Variants in ASB3 observed in about 807,000 individuals in gnomAD.
The protein encoded by ASB3 is ankyrin repeat and SOCS box containing 3.
In ASB3, 41 loss-of-function variants were observed where a neutral mutation model predicts 54.5. The observed-to-expected ratio is 0.75, with a 90% CI of 0.59 to 0.98. The LOEUF (loss-of-function observed/expected upper bound fraction) is 0.98, where lower values mean the gene tolerates loss of function less well. Among genes scored for constraint, ASB3 ranks in the 50% least tolerant of loss-of-function variants. The pLI, the probability that ASB3 is intolerant of heterozygous loss-of-function variation, is 0.00. For missense variants in ASB3, 733 were observed against 620.0 expected (o/e 1.18, Z -1.94); for synonymous variants, 266 against 221.2 (o/e 1.20, Z -1.80).
At chr2:53,767,820 C>T in intron 1 of ASB3, 2 of 1,542,812 alleles carry the variant, frequency 1.3e-6, no homozygotes, top group Non-Finnish European at 1.8e-6. Context: ...TTACCGGAGG[C>T]TTCAGTCCCC....
chr2:53,743,573 AAG>A (rs1453552798), intron 3 of ASB3, among the ~76,000 whole-genome samples: 1 of 152,184 alleles, frequency 6.6e-6, no homozygotes, highest in Non-Finnish European at 1.5e-5. Context: ...CGGGGGGAGA[AAG>A]AGAGTTATGT....
chr2:53,681,736 G>A (rs542151470), intron 9 of ASB3, among the ~76,000 whole-genome samples: 1 of 152,150 alleles, frequency 6.6e-6, no homozygotes, highest in African/African-American at 2.4e-5. Context: ...GTTTATGCCA[G>A]TACCAGGCTG....
In ASB3 at chr2:53,778,926, T is replaced by C. The variant is rs150652256; in HGVS notation, c.-14+7895A>G. On this transcript the variant is annotated intron_variant, in intron 1 of 9. Transcript: ENST00000263634. ...CCAGAAGTTGGATTGCTGGATCATA[T>C]GGTAATTCTATTTTTAGTTTTTTGA... Among the ~76,000 whole-genome samples the C allele has an allele frequency of 3.4e-3, 518 of 152,360 alleles. 5 individuals are homozygous for C. The highest frequency in any genetic ancestry group is 0.012 in the African/African-American group (496 of 41,578).
intron 9 of ASB3, among the ~76,000 whole-genome samples, chr2:53,686,170 A>G (rs371612438): frequency 2.4e-4 from 37 of 152,320 alleles, no homozygotes; most frequent in African/African-American, 8.4e-4. Context: ...CATCTTGAGA[A>G]CCAACAGGAA....
chr2:53,770,272 A>G (rs1000797367), intron 1 of ASB3, among the ~76,000 whole-genome samples: 4 of 152,164 alleles, frequency 2.6e-5, no homozygotes, highest in African/African-American at 9.7e-5. Flanking sequence ...TCATAATCCA[A>G]AATCCCATGT....
At chr2:53,744,833 C>T (rs1045565739) in intron 3 of ASB3, among the ~76,000 whole-genome samples, 15 of 152,210 alleles carry the variant, frequency 9.9e-5, no homozygotes, top group African/African-American at 2.9e-4. Flanking sequence ...AAAGCATATG[C>T]TATGTGAGCT....
At chr2:53,762,133 C>T (rs950951244) in intron 2 of ASB3, among the ~76,000 whole-genome samples, 8 of 151,912 alleles carry the variant, frequency 5.3e-5, no homozygotes, top group East Asian at 1.9e-4. Flanking sequence ...ATTATAGCAA[C>T]GCAGACAAGG....
Position 53,769,103 on chromosome 2 carries a change from G to A in ASB3, c.-13-3518C>T, listed in dbSNP as rs115450313. Reference sequence around the variant, plus strand: ...TGACCTGAAAAGGGGCAATGGCTTAGGATAAATGCACATTTACAGATCAAC... The same window carrying A: ...TGACCTGAAAAGGGGCAATGGCTTAAGATAAATGCACATTTACAGATCAAC... On this transcript the variant is annotated intron_variant, in intron 1 of 9. Coordinates refer to ENST00000263634, the MANE Select transcript of ASB3 (RefSeq NM_016115.5). Among the ~76,000 whole-genome samples, 1,137 of 152,290 alleles carry A rather than the reference G, an allele frequency of 7.5e-3. 17 individuals are homozygous for A. The highest frequency in any genetic ancestry group is 0.026 in the African/African-American group (1,091 of 41,552).
At chr2:53,672,839 G>A (rs1358599593) in intron 9 of ASB3, among the ~76,000 whole-genome samples, 5 of 152,080 alleles carry the variant, frequency 3.3e-5, no homozygotes, top group East Asian at 1.9e-4. Flanking sequence ...TTGTAGCCAC[G>A]TCTAATTCAA....
chr2:53,684,617 C>T (rs1294063926), intron 9 of ASB3, among the ~76,000 whole-genome samples: 1 of 152,204 alleles, frequency 6.6e-6, no homozygotes, highest in Non-Finnish European at 1.5e-5. Context: ...GCCAGTTTAT[C>T]CTCGGTAGTC....
At chr2:53,773,724 T>C (rs1245787862) in intron 1 of ASB3, among the ~76,000 whole-genome samples, 2 of 151,202 alleles carry the variant, frequency 1.3e-5, no homozygotes, top group Non-Finnish European at 2.9e-5. Context: ...CCACCGCTCC[T>C]GGCCCACTTT....
At chr2:53,721,444 G>T (rs373598106) in intron 5 of ASB3, among the ~76,000 whole-genome samples, 1 of 150,630 alleles carries the variant, frequency 6.6e-6, no homozygotes, top group Admixed American at 6.6e-5. Context: ...AGTGGTGTGT[G>T]CCTATAGTCC....
chr2:53,700,198 T>C (rs1162591602), intron 8 of ASB3, 73 bp downstream of exon 8: 2 of 1,541,232 alleles, frequency 1.3e-6, no homozygotes, highest in Admixed American at 4.1e-5. Context: ...AACACTGGGA[T>C]CTCAACTGAA....
At chr2:53,746,311 T>G (rs1308154185) in intron 3 of ASB3, among the ~76,000 whole-genome samples, 1 of 151,748 alleles carries the variant, frequency 6.6e-6, no homozygotes, top group Non-Finnish European at 1.5e-5. Context: ...TAAAAAAAGG[T>G]AAAGGTGAGC....
intron 1 of ASB3, chr2:53,774,641 T>A: frequency 1.3e-6 from 1 of 752,238 alleles, no homozygotes; most frequent in Non-Finnish European, 2.0e-6. Context: ...TTATTTTAAC[T>A]GGAAATGTCC....
intron 7 of ASB3, among the ~76,000 whole-genome samples, chr2:53,713,566 A>C (rs1194969910): frequency 6.6e-6 from 1 of 152,232 alleles, no homozygotes; most frequent in Non-Finnish European, 1.5e-5. Context: ...ACAGATTAGA[A>C]AAATAATTAA....
intron 1 of ASB3, among the ~76,000 whole-genome samples, chr2:53,779,743 A>C (rs1674542604): frequency 6.6e-6 from 1 of 152,162 alleles, no homozygotes; most frequent in African/African-American, 2.4e-5. Context: ...AGTCCAATCA[A>C]GTAATTTCTT....
intron 1 of ASB3, among the ~76,000 whole-genome samples, chr2:53,772,390 G>A (rs1014548915): frequency 1.3e-5 from 2 of 152,116 alleles, no homozygotes; most frequent in Non-Finnish European, 2.9e-5. Context: ...TAGCCAGGAT[G>A]GTCTCAATCT....
chr2:53,750,680 G>T (rs1672465778), intron 3 of ASB3, 103 bp downstream of exon 3: 3 of 1,254,674 alleles, frequency 2.4e-6, no homozygotes, highest in Non-Finnish European at 3.1e-6. Context: ...GTTGCCAAAA[G>T]AACATACTAT....
Sources: allele counts gnomAD v4.1 joint callset (sites outside exome capture counted in the v4.1 genomes callset), GRCh38; gene constraint gnomAD v4.1.1; transcripts MANE v1.5; gene names NCBI Gene and HGNC (gene_info 2026-07-23, HGNC 2026-07-21).